CUX1: variants seen among roughly 807,000 people sequenced by gnomAD.
CUX1 encodes protein CASP.
Under a neutral mutation model 158.8 loss-of-function variants are expected in CUX1, and 31 were observed. The ratio of observed to expected loss-of-function variants is 0.20; its 90% CI spans 0.15 to 0.26. The LOEUF (loss-of-function observed/expected upper bound fraction) is 0.26. CUX1 is among the 10% of genes least tolerant of loss of function. The probability of loss-of-function intolerance (pLI) is 1.00; values close to 1 mark genes in which losing one functional copy is unlikely to be tolerated. For synonymous variants in CUX1, 879 were observed against 862.1 expected (o/e 1.02, Z -0.34); for missense variants, 1,589 against 2,014.6 (o/e 0.79, Z 4.04).
intron 1 of CUX1, among the ~76,000 whole-genome samples, chr7:101,852,504 G>GT (rs1365278223): frequency 6.0e-4 from 91 of 151,974 alleles, no homozygotes; most frequent in African/African-American, 2.1e-3. Flanking sequence ...TGTAGTCCCA[G>GT]CTACTTGGGT....
chr7:102,227,940 C>A (rs1554529235), intron 21 of CUX1, among the ~76,000 whole-genome samples: 1 of 142,830 alleles, frequency 7.0e-6, no homozygotes, highest in African/African-American at 2.6e-5. Flanking sequence ...CACAGACTGT[C>A]TCTTTTTTTT....
At position 102,160,159 on chromosome 7, in the gene CUX1, A is replaced by T. The variant is rs1790275700; in HGVS notation, c.723+1551A>T. Among the ~76,000 whole-genome samples the T allele has an allele frequency of 2.0e-5, 3 of 150,980 alleles. No homozygotes were observed. In the South Asian group the frequency reaches 6.3e-4, roughly 32 times the overall value. On this transcript the variant is annotated intron_variant, in intron 9 of 23. Coordinates refer to ENST00000292535, the MANE Select transcript of CUX1 (RefSeq NM_181552.4). ...ATGCCACCATACTCCAGCTTGGATG[A>T]CAGAGCGAGAATCTGTCTAAAAAAA...
intron 9 of CUX1, among the ~76,000 whole-genome samples, chr7:102,162,059 A>G (rs565681452): frequency 4.1e-4 from 62 of 152,186 alleles, no homozygotes; most frequent in African/African-American, 1.3e-3. Context: ...GGTAGCAGGG[A>G]AAGACGGCAG....
At chr7:101,939,707 G>GT (rs1043375515) in intron 2 of CUX1, among the ~76,000 whole-genome samples, 16 of 151,920 alleles carry the variant, frequency 1.1e-4, no homozygotes, top group African/African-American at 3.9e-4. Context: ...GTTGCCTGTG[G>GT]TCCCAGCTGC....
rs1329065923 is a variant in CUX1, at chr7:102,257,137, A to T, written c.*8095A>T. ...GATCCCATGGGCCCAGCAGAAGGAAACTTACCCCAGGCCAAGGCAAGGGCC... is the reference window on the plus strand; with the variant it reads ...GATCCCATGGGCCCAGCAGAAGGAATCTTACCCCAGGCCAAGGCAAGGGCC... On this transcript the variant is annotated 3_prime_UTR_variant, in exon 24 of 24. Coordinates refer to ENST00000292535, the MANE Select transcript of CUX1 (RefSeq NM_181552.4). 1.1e-5 allele frequency: 11 copies of T among 985,146 alleles called. No individual in the cohort carries two copies. Among genetic ancestry groups the T allele is most frequent in the Non-Finnish European group, 1.3e-5 (11 of 829,920 alleles). 61.0% of individuals were successfully genotyped at this position (985,146 alleles called of 1,614,324 possible). A position where few individuals can be genotyped will look rare whatever the true frequency, so the allele number is the denominator to read the frequency against.
At chr7:101,855,075 C>T (rs1160156794) in intron 1 of CUX1, among the ~76,000 whole-genome samples, 3 of 152,186 alleles carry the variant, frequency 2.0e-5, no homozygotes, top group East Asian at 1.9e-4. Flanking sequence ...ATGGTGACCT[C>T]CCTCTTCTCT....
intron 3 of CUX1, among the ~76,000 whole-genome samples, chr7:102,060,740 A>ATAGAAAAAATT (rs1178777136): frequency 1.3e-5 from 2 of 149,360 alleles, no homozygotes; most frequent in Admixed American, 1.3e-4. Flanking sequence ...AGCCTCCCAA[A>ATAGAAAAAATT]TAGCTGGGAT....
At chr7:102,110,812 A>C (rs868937689) in intron 6 of CUX1, among the ~76,000 whole-genome samples, 1 of 152,192 alleles carries the variant, frequency 6.6e-6, no homozygotes, top group Non-Finnish European at 1.5e-5. Context: ...ATTTCTGTAC[A>C]TGCAGAAACA....
upstream of CUX1, chr7:101,816,953 C>G (rs1333222669): frequency 2.0e-6 from 2 of 983,132 alleles, no homozygotes; most frequent in Non-Finnish European, 1.2e-6. Flanking sequence ...GGGGAGCGCC[C>G]CGGGGCCACC....
chr7:101,931,672 C>A (rs1018966977), intron 2 of CUX1, among the ~76,000 whole-genome samples: 1 of 152,106 alleles, frequency 6.6e-6, no homozygotes, highest in African/African-American at 2.4e-5. Context: ...CTCAAGCGAT[C>A]CTCACTTCAG....
chr7:102,132,583 C>G (rs1833421918), intron 8 of CUX1, among the ~76,000 whole-genome samples: 1 of 151,754 alleles, frequency 6.6e-6, no homozygotes, highest in Non-Finnish European at 1.5e-5. Flanking sequence ...GCCCTCCTGT[C>G]TAATTCATGT....
chr7:102,021,603 C>CT (rs1160807638), intron 2 of CUX1, among the ~76,000 whole-genome samples: 2 of 105,844 alleles, frequency 1.9e-5, no homozygotes, highest in Non-Finnish European at 4.0e-5. Context: ...CTACCAGATA[C>CT]TTTTTTTTCT....
rs1445461997 is a variant in CUX1 at position 102,250,121 on chromosome 7, A to C, written c.*1079A>C. The C allele has an allele frequency of 3.0e-5, 30 of 985,360 alleles. No individual in the cohort carries two copies. Among genetic ancestry groups the C allele is most frequent in the Non-Finnish European group, 3.6e-5 (30 of 829,950 alleles). The allele number at this position is 985,360 out of a possible 1,614,324, so 61.0% of individuals were successfully genotyped here. A position where few individuals can be genotyped will look rare whatever the true frequency, so the allele number is the denominator to read the frequency against. ...TTTTATAATCTGCTTTTTAACCTCT[A>C]ACCGCAGAGCACGCTGATCAGACCT... On this transcript the variant is annotated 3_prime_UTR_variant, in exon 24 of 24. Transcript: ENST00000292535.
chr7:101,896,468 T>A (rs1404050608), intron 1 of CUX1, among the ~76,000 whole-genome samples: 1 of 152,174 alleles, frequency 6.6e-6, no homozygotes, highest in African/African-American at 2.4e-5. Flanking sequence ...GTGAACAGAT[T>A]GCTGGTATTG....
intron 2 of CUX1, among the ~76,000 whole-genome samples, chr7:101,949,623 C>T (rs1002608771): frequency 1.3e-5 from 2 of 151,348 alleles, no homozygotes; most frequent in Non-Finnish European, 2.9e-5. Context: ...CTCCACCTCC[C>T]GGGTTCAAGT....
chr7:102,039,096 A>G (rs1355937891), intron 3 of CUX1, among the ~76,000 whole-genome samples: 1 of 152,226 alleles, frequency 6.6e-6, no homozygotes, highest in East Asian at 1.9e-4. Context: ...TTAATAAAGA[A>G]AAGCATATGG....
intron 15 of CUX1, chr7:102,273,615 G>A: frequency 2.4e-6 from 3 of 1,268,542 alleles, no homozygotes; most frequent in South Asian, 3.0e-5. Context: ...CAGAAGGGCT[G>A]TCACCTAAAA....
In CUX1 at chr7:102,115,640, C is replaced by T. The variant is rs114141396; in HGVS notation, c.674+367C>T. 4.4e-3 allele frequency: 815 copies of T among 184,938 alleles called. 7 individuals are homozygous for T. The highest frequency in any genetic ancestry group is 0.018 in the African/African-American group (774 of 42,504). 11.5% of individuals were successfully genotyped at this position (184,938 alleles called of 1,614,324 possible). A position where few individuals can be genotyped will look rare whatever the true frequency, so the allele number is the denominator to read the frequency against. On this transcript the variant is annotated intron_variant, in intron 8 of 23. Transcript: ENST00000292535. ...TTTCTCCCAGGGCCCTTTAGGAAGG[C>T]CTGCCCCAGAATAAGCACATTCCCA...
chr7:101,896,828 G>A (rs2131700392), intron 1 of CUX1, among the ~76,000 whole-genome samples: 1 of 152,330 alleles, frequency 6.6e-6, no homozygotes, highest in South Asian at 2.1e-4. Flanking sequence ...GGATTTGTTT[G>A]CCTTTGAGTA....
Sources: gnomAD v4.1 joint callset for allele counts (sites outside exome capture counted in the v4.1 genomes callset) on GRCh38, gnomAD v4.1.1 for gene constraint, MANE v1.5 for transcripts, NCBI Gene and HGNC (gene_info 2026-07-23, HGNC 2026-07-21) for gene names.